Variants in MAP1LC3B observed in about 807,000 individuals in gnomAD.
MAP1LC3B encodes microtubule-associated protein 1 light chain 3 beta.
Under a neutral mutation model 16.7 loss-of-function variants are expected in MAP1LC3B, and 12 were observed. The ratio of observed to expected loss-of-function variants is 0.72; its 90% confidence interval spans 0.46 to 1.16. The LOEUF (loss-of-function observed/expected upper bound fraction) is 1.16. Among genes scored for constraint, MAP1LC3B ranks in the 50% most tolerant of loss-of-function variants. The probability of loss-of-function intolerance (pLI) is 0.00; values close to 1 mark genes in which losing one functional copy is unlikely to be tolerated. For synonymous variants in MAP1LC3B, 63 were observed against 56.5 expected (o/e 1.11, Z -0.51); for missense variants, 155 against 159.5 (o/e 0.97, Z 0.15).
chr16:87,400,994 G>T (rs1317087618), intron 2 of MAP1LC3B, among the ~76,000 whole-genome samples: 2 of 151,958 alleles, frequency 1.3e-5, no homozygotes, highest in East Asian at 3.9e-4. Flanking sequence ...TTAGCTGGGC[G>T]TGGTGGCGGG....
At chr16:87,398,927 A>T in intron 2 of MAP1LC3B, 57 bp downstream of exon 2, 1 of 1,457,634 alleles carries the variant, frequency 6.9e-7, no homozygotes, top group Non-Finnish European at 9.6e-7. Context: ...AGAGCACCGC[A>T]TAAGTGCATC....
At chr16:87,394,130 C>T (rs1244314594) in intron 1 of MAP1LC3B, among the ~76,000 whole-genome samples, 2 of 152,048 alleles carry the variant, frequency 1.3e-5, no homozygotes, top group Admixed American at 6.6e-5. Flanking sequence ...ATGTATGGAC[C>T]TTGTATATAC....
chr16:87,392,398 C>A lies in MAP1LC3B; in HGVS notation c.-30C>A, dbSNP rs764646403. On this transcript the variant is annotated 5_prime_UTR_variant, in exon 1 of 4. Transcript: ENST00000268607. ...GGAGCCGCCGGGACCCTCGCGTCGT[C>A]GCCGCCGCCGCCGCCCAGATCCCTG... 7.1e-7 allele frequency: 1 copy of A among 1,399,622 alleles called. No homozygotes were observed. Among genetic ancestry groups the A allele is most frequent in the African/African-American group, 1.5e-5 (1 of 65,392 alleles). The allele number at this position is 1,399,622 out of a possible 1,614,324, so 86.7% of individuals were successfully genotyped here.
intron 3 of MAP1LC3B, 139 bp from the exon 4 acceptor site, chr16:87,402,784 T>G: frequency 1.0e-6 from 1 of 997,184 alleles, no homozygotes; most frequent in Non-Finnish European, 1.5e-6. Flanking sequence ...AAGTGTCCTG[T>G]GCTTTATGAG....
chr16:87,402,631 G>A lies in MAP1LC3B; in HGVS notation c.204-292G>A, dbSNP rs1908034985. On this transcript the variant is annotated intron_variant, in intron 3 of 3. Coordinates refer to ENST00000268607, the MANE Select transcript of MAP1LC3B (RefSeq NM_022818.5). Reference sequence around the variant, plus strand: ...AGTGGCAGTAAATGGCACAGGCTTAGATCTTAGAATAGTTCAGAAACTGTA... The same window carrying A: ...AGTGGCAGTAAATGGCACAGGCTTAAATCTTAGAATAGTTCAGAAACTGTA... 8 of 538,842 alleles carry A rather than the reference G, an allele frequency of 1.5e-5. No individual in the cohort carries two copies. In the South Asian group the frequency reaches 1.9e-4, roughly 13 times the overall value. 33.4% of individuals were successfully genotyped at this position (538,842 alleles called of 1,614,324 possible).
At position 87,403,254 on chromosome 16, in the gene MAP1LC3B, A is replaced by G. The variant is rs1202802973; in HGVS notation, c.*157A>G. The G allele has an allele frequency of 1.3e-5, 10 of 761,168 alleles. No homozygotes were observed. The highest frequency in any genetic ancestry group is 5.3e-5 in the African/African-American group (3 of 56,088). The allele number at this position is 761,168 out of a possible 1,614,324, so 47.2% of individuals were successfully genotyped here. On this transcript the variant is annotated 3_prime_UTR_variant, in exon 4 of 4. Coordinates refer to ENST00000268607, the MANE Select transcript of MAP1LC3B (RefSeq NM_022818.5). ...GTTAGGAAGTTGTGTTTGTGTTTCA[A>G]GCAGAAAAACTGAGCTCCAAGTGAG...
rs761636202 is a variant in MAP1LC3B, at chr16:87,403,176, G to T, written c.*79G>T. 5.3e-6 allele frequency: 8 copies of T among 1,497,832 alleles called. No individual in the cohort carries two copies. The highest frequency in any genetic ancestry group is 2.8e-5 in the African/African-American group (2 of 71,168). 92.8% of individuals were successfully genotyped at this position (1,497,832 alleles called of 1,614,324 possible). A position where few individuals can be genotyped will look rare whatever the true frequency, so the allele number is the denominator to read the frequency against. On this transcript the variant is annotated 3_prime_UTR_variant, in exon 4 of 4. Transcript: ENST00000268607. ...AAAAGGGATGTTACCAACTGAGATC[G>T]ATCAGTTCATCCAATCACAGATCAT...
At chr16:87,402,800 T>C (rs2150713966) in intron 3 of MAP1LC3B, 123 bp from the exon 4 acceptor site, 1 of 1,139,900 alleles carries the variant, frequency 8.8e-7, no homozygotes, top group Non-Finnish European at 1.2e-6. Context: ...ATGAGAAGTA[T>C]TGGATTCAAG....
intron 2 of MAP1LC3B, chr16:87,399,410 C>G: frequency 3.2e-6 from 1 of 315,170 alleles, no homozygotes; most frequent in Non-Finnish European, 6.3e-6. Flanking sequence ...TATCACACTT[C>G]AGAACGTGTC....
intron 1 of MAP1LC3B, among the ~76,000 whole-genome samples, chr16:87,394,013 G>T (rs1476680880): frequency 6.6e-6 from 1 of 152,240 alleles, no homozygotes; most frequent in Non-Finnish European, 1.5e-5. Context: ...AGAGTGGGTA[G>T]TAAGGGTAGG....
intron 1 of MAP1LC3B, among the ~76,000 whole-genome samples, chr16:87,394,579 G>C (rs1384117046): frequency 1.3e-5 from 2 of 152,222 alleles, no homozygotes; most frequent in East Asian, 1.9e-4. Context: ...TGTAGCTAAA[G>C]AAACTGGGTG....
Position 87,395,981 on chromosome 16 carries a change from C to G in MAP1LC3B, c.41-2834C>G, listed in dbSNP as rs555046808. Among the ~76,000 whole-genome samples, 329 of 150,236 alleles carry G rather than the reference C, an allele frequency of 2.2e-3. 1 individual carries two copies. Among genetic ancestry groups the G allele is most frequent in the African/African-American group, 7.6e-3 (313 of 40,980 alleles). On this transcript the variant is annotated intron_variant, in intron 1 of 3. Transcript: ENST00000268607. ...GTTCAAGTGATTCTCCTGCCTTAGC[C>G]TCCTGAGTAGCTGGGATTACGGGTG... is the stretch of plus-strand genomic sequence containing the variant.
chr16:87,400,916 C>T (rs371720880), intron 2 of MAP1LC3B, among the ~76,000 whole-genome samples: 12 of 152,030 alleles, frequency 7.9e-5, no homozygotes, highest in East Asian at 7.7e-4. Flanking sequence ...GGGTGGATCA[C>T]GAAGTCAGGG....
rs1359511687 is a variant in MAP1LC3B at position 87,403,798 on chromosome 16, T to G, written c.*701T>G. ...CACTCAAAAGGAAACTTGAATAATT[T>G]ATAATTTTGATCGAGTTTCTTAAAA... is the stretch of plus-strand genomic sequence containing the variant. On this transcript the variant is annotated 3_prime_UTR_variant, in exon 4 of 4. Coordinates refer to ENST00000268607, the MANE Select transcript of MAP1LC3B (RefSeq NM_022818.5). The G allele has an allele frequency of 6.6e-6, 1 of 152,238 alleles. No individual in the cohort carries two copies. Among genetic ancestry groups the G allele is most frequent in the Non-Finnish European group, 1.5e-5 (1 of 68,050 alleles). 9.4% of individuals were successfully genotyped at this position (152,238 alleles called of 1,614,324 possible). A position where few individuals can be genotyped will look rare whatever the true frequency, so the allele number is the denominator to read the frequency against.
At chr16:87,398,137 C>T (rs529858310) in intron 1 of MAP1LC3B, among the ~76,000 whole-genome samples, 2 of 152,078 alleles carry the variant, frequency 1.3e-5, no homozygotes, top group East Asian at 3.9e-4. Context: ...ATTCTCCTGC[C>T]TCAGCCTCCC....
At chr16:87,398,776 G>T in intron 1 of MAP1LC3B, 39 bp from the exon 2 acceptor site, 1 of 1,597,344 alleles carries the variant, frequency 6.3e-7, no homozygotes, top group African/African-American at 1.3e-5. Flanking sequence ...GAAGCTGCCT[G>T]GCCCTTAGTA....
chr16:87,404,557 TAACTG>T lies in MAP1LC3B; in HGVS notation c.*1461_*1465del, dbSNP rs1028362005. The T allele has an allele frequency of 3.9e-5, 6 of 152,214 alleles. No individual in the cohort carries two copies. Among genetic ancestry groups the T allele is most frequent in the Admixed American group, 1.3e-4 (2 of 15,282 alleles). The allele number at this position is 152,214 out of a possible 1,614,324, so 9.4% of individuals were successfully genotyped here. ...TGTATTTTTACATTATGTATATTCT[TAACTG>T]GACTGTCTCGTTTAGACTGTATACA... is the stretch of plus-strand genomic sequence containing the variant. On this transcript the variant is annotated 3_prime_UTR_variant, in exon 4 of 4. Transcript: ENST00000268607.
intron 1 of MAP1LC3B, among the ~76,000 whole-genome samples, chr16:87,394,451 A>C (rs1907730049): frequency 6.6e-6 from 1 of 152,328 alleles, no homozygotes; most frequent in South Asian, 2.1e-4. Context: ...TCTCTTTCCA[A>C]GTGAGTGAGT....
rs141375676 is a variant in MAP1LC3B at position 87,398,842 on chromosome 16, T to C, written c.68T>C (p.Ile23Thr). ...FEQRVEDVRL[I>T]REQHPTKIPV... ...CAAAGAGTAGAAGATGTCCGACTTA[T>C]TCGAGAGCAGCATCCAACCAAAATC... The change falls in exon 2 of 4, where the codon ATT becomes ACT. Residue 23 changes from isoleucine (I) to threonine (T), a missense_variant. Transcript: ENST00000268607. 95 of 1,614,034 alleles carry C rather than the reference T, an allele frequency of 5.9e-5. No individual in the cohort carries two copies. The highest frequency in any genetic ancestry group is 1.6e-4 in the Middle Eastern group (1 of 6,082).
Sources: allele counts gnomAD v4.1 joint callset (sites outside exome capture counted in the v4.1 genomes callset), GRCh38; gene constraint gnomAD v4.1.1; transcripts MANE v1.5; gene names NCBI Gene and HGNC (gene_info 2026-07-23, HGNC 2026-07-21).